HAS2: variants seen among roughly 807,000 people sequenced by gnomAD.
HAS2 encodes the protein hyaluronan synthase 2.
A neutral mutation model predicts 51.6 loss-of-function variants in HAS2; 16 were observed. The observed-to-expected ratio is 0.31, with a 90% CI of 0.21 to 0.47. HAS2 has a LOEUF of 0.47. Ranked by LOEUF, HAS2 falls within the 20% of genes least tolerant of loss-of-function variation. HAS2 has a pLI of 1.00. For synonymous variants in HAS2, 228 were observed against 235.5 expected, an observed-to-expected ratio of 0.97 and a Z score of 0.29; for missense variants, 361 against 662.6, an observed-to-expected ratio of 0.54 and a Z score of 5.00.
At position 121,629,228 on chromosome 8, in the gene HAS2, T is replaced by C. The variant is rs1316117071; in HGVS notation, c.113A>G (p.Gln38Arg). 2 of 1,613,798 alleles carry C rather than the reference T, an allele frequency of 1.2e-6. No individual in the cohort carries two copies. Among genetic ancestry groups the C allele is most frequent in the African/African-American group, 1.3e-5 (1 of 74,926 alleles). The change falls in exon 2 of 4, where the codon CAA (glutamine) becomes CGA (arginine). Residue 38 changes from glutamine to arginine, a missense_variant. By Grantham distance (43) the Gln-to-Arg change is conservative (BLOSUM62 1). This residue lies in a region of HAS2 where 145 missense variants were observed against 217.6 expected (regional missense o/e 0.67). Transcript: ENST00000303924. ...AAAAGAGAAATAGTAATTATCCGTTTGGATAAACTGGTAGCCAACAATATA... is the reference window on the plus strand; with the variant it reads ...AAAAGAGAAATAGTAATTATCCGTTCGGATAAACTGGTAGCCAACAATATA... ...AAYIVGYQFI[Q>R]TDNYYFSFGL...
intron 2 of HAS2, among the ~76,000 whole-genome samples, chr8:121,619,945 G>C (rs536827796): frequency 6.6e-6 from 1 of 152,238 alleles, no homozygotes; most frequent in Admixed American, 6.5e-5. Context: ...CAGGAGAACT[G>C]GCTCTTTGAA....
intron 2 of HAS2, among the ~76,000 whole-genome samples, chr8:121,623,890 C>A (rs1301824270): frequency 6.6e-6 from 1 of 152,148 alleles, no homozygotes; most frequent in Admixed American, 6.5e-5. Context: ...CAGAACAAAA[C>A]AGGAACCAGT....
intron 2 of HAS2, among the ~76,000 whole-genome samples, chr8:121,620,158 A>G (rs916546612): frequency 6.6e-6 from 1 of 152,140 alleles, no homozygotes; most frequent in Non-Finnish European, 1.5e-5. Context: ...AAATTTTTCA[A>G]CTACTGGATG....
rs1812648819 is a variant in HAS2, at chr8:121,612,493, T to C, written c.*1616A>G. On this transcript the variant is annotated 3_prime_UTR_variant, in exon 4 of 4. Coordinates refer to ENST00000303924, the MANE Select transcript of HAS2 (RefSeq NM_005328.3). ...GAAAGGCAGGAAGCCCATTTTTTTT[T>C]TAACACTTCTCCATGTGTCTCTGCC... The C allele has an allele frequency of 6.6e-6, 1 of 152,170 alleles. No individual in the cohort carries two copies. Among genetic ancestry groups the C allele is most frequent in the South Asian group, 2.1e-4 (1 of 4,820 alleles). 9.4% of individuals were successfully genotyped at this position (152,170 alleles called of 1,614,324 possible).
At position 121,613,944 on chromosome 8, in the gene HAS2, G is replaced by T; in HGVS notation, c.*165C>A. Reference sequence around the variant, plus strand: ...CTGAGTTTCTTCTTGTTGATGTATTGTTTTACTTTGGCAGAATGAAAATAA... The same window carrying T: ...CTGAGTTTCTTCTTGTTGATGTATTTTTTTACTTTGGCAGAATGAAAATAA... On this transcript the variant is annotated 3_prime_UTR_variant, in exon 4 of 4. Coordinates refer to ENST00000303924, the MANE Select transcript of HAS2 (RefSeq NM_005328.3). 2.1e-6 allele frequency: 2 copies of T among 955,038 alleles called. No homozygotes were observed. The highest frequency in any genetic ancestry group is 3.1e-6 in the Non-Finnish European group (2 of 637,628). 59.2% of individuals were successfully genotyped at this position (955,038 alleles called of 1,614,324 possible). A position where few individuals can be genotyped will look rare whatever the true frequency, so the allele number is the denominator to read the frequency against.
At chr8:121,617,878 A>G (rs1812726215) in intron 2 of HAS2, among the ~76,000 whole-genome samples, 1 of 152,154 alleles carries the variant, frequency 6.6e-6, no homozygotes. Flanking sequence ...AGGACCTTCA[A>G]CACCTTTTTA....
intron 2 of HAS2, among the ~76,000 whole-genome samples, chr8:121,620,456 A>G (rs183006085): frequency 4.6e-5 from 7 of 152,368 alleles, no homozygotes; most frequent in African/African-American, 1.4e-4. Flanking sequence ...AGTACAGGAC[A>G]GCATTTGCAC....
At chr8:121,627,624 G>A (rs1812871279) in intron 2 of HAS2, among the ~76,000 whole-genome samples, 1 of 152,116 alleles carries the variant, frequency 6.6e-6, no homozygotes, top group African/African-American at 2.4e-5. Flanking sequence ...TCCAGAAACT[G>A]AGACTCAGAG....
At chr8:121,629,653 T>C (rs570726376) in intron 1 of HAS2, among the ~76,000 whole-genome samples, 1 of 152,332 alleles carries the variant, frequency 6.6e-6, no homozygotes, top group East Asian at 1.9e-4. Flanking sequence ...ATCACTTGCC[T>C]AAGGCTGTAC....
chr8:121,615,177 G>A (rs1812683295), intron 3 of HAS2, 139 bp from the exon 4 acceptor site: 1 of 603,494 alleles, frequency 1.7e-6, no homozygotes, highest in Non-Finnish European at 2.9e-6. Context: ...TTTTTGGCGT[G>A]GTTATTTTAT....
intron 1 of HAS2, among the ~76,000 whole-genome samples, chr8:121,632,655 G>A (rs567328305): frequency 2.0e-5 from 3 of 152,066 alleles, no homozygotes; most frequent in South Asian, 2.1e-4. Flanking sequence ...TTTCACTAAC[G>A]TGTCCCAAGG....
chr8:121,637,258 C>T lies in HAS2; in HGVS notation c.-1+3595G>A, dbSNP rs529362442. 2.8e-4 allele frequency among the ~76,000 whole-genome samples: 42 copies of T among 152,026 alleles called. No individual in the cohort carries two copies. In the South Asian group the frequency reaches 8.7e-3, roughly 32 times the overall value. ...TAAGAGGCATTCATTAATAAATTTA[C>T]TTAATTTAAATAAGAAAATATTTAA... On this transcript the variant is annotated intron_variant, in intron 1 of 3. Transcript: ENST00000303924.
chr8:121,615,042 C>T lies in HAS2; in HGVS notation c.730-4G>A. 1 of 1,587,018 alleles carries T rather than the reference C, an allele frequency of 6.3e-7. No individual in the cohort carries two copies. Among genetic ancestry groups the T allele is most frequent in the Non-Finnish European group, 8.6e-7 (1 of 1,167,370 alleles). On this transcript the variant is annotated splice_region_variant and splice_polypyrimidine_tract_variant and intron_variant, in intron 3 of 3. Coordinates refer to ENST00000303924, the MANE Select transcript of HAS2 (RefSeq NM_005328.3). ...AGGAATCGTACTTGTTTAAAATCTG[C>T]AAGAAGAAAAACATAAGTAATAGGT...
At chr8:121,621,893 T>C (rs1312721052) in intron 2 of HAS2, among the ~76,000 whole-genome samples, 1 of 152,116 alleles carries the variant, frequency 6.6e-6, no homozygotes, top group East Asian at 1.9e-4. Flanking sequence ...TCAAAGGGCA[T>C]TGACAGCTAA....
At chr8:121,620,409 C>A (rs11996473) in intron 2 of HAS2, among the ~76,000 whole-genome samples, 6,828 of 152,148 alleles carry the variant, frequency 0.045, 568 homozygotes, top group African/African-American at 0.16. Context: ...GGAGACATGC[C>A]CCAGTTCAAG....
chr8:121,614,445 C>T lies in HAS2; in HGVS notation c.1323G>A (p.Val441=). The stretch of plus-strand genomic sequence containing the variant: ...CGGGAAGTAAACTCGACATGTATAA[C>T]ACTGAGTAGAGAGACATGAAGACCA... ...IVMVFMSLYS[V]LYMSSLLPAK... Residue 441 remains valine (V), a synonymous_variant, in exon 4 of 4, where the codon GTG becomes GTA. Coordinates refer to ENST00000303924, the MANE Select transcript of HAS2 (RefSeq NM_005328.3). This position sits in a 1 kb window ranked among gnomAD's most constrained non-coding sequence, Gnocchi z 7.2. 6.2e-7 allele frequency: 1 copy of T among 1,614,060 alleles called. No individual in the cohort carries two copies.
intron 2 of HAS2, among the ~76,000 whole-genome samples, chr8:121,622,328 A>G (rs913637878): frequency 2.0e-5 from 3 of 152,156 alleles, no homozygotes; most frequent in African/African-American, 7.2e-5. Flanking sequence ...AAAGTACTAT[A>G]TAAGGCCTTG....
intron 2 of HAS2, among the ~76,000 whole-genome samples, chr8:121,619,615 T>C (rs979695948): frequency 8.5e-5 from 13 of 152,160 alleles, no homozygotes; most frequent in Admixed American, 8.5e-4. Context: ...CCTGGGTCTG[T>C]ATCCAAGCAT....
intron 1 of HAS2, among the ~76,000 whole-genome samples, chr8:121,636,526 G>T (rs1813011867): frequency 6.6e-6 from 1 of 152,080 alleles, no homozygotes; most frequent in Admixed American, 6.5e-5. Context: ...CTTTTTTACA[G>T]GACTTGTCAC....
Sources: allele counts gnomAD v4.1 joint callset (sites outside exome capture counted in the v4.1 genomes callset), GRCh38; gene constraint gnomAD v4.1.1; regional missense constraint gnomAD v4.1.1; non-coding constraint Gnocchi (gnomAD v3.1); transcripts MANE v1.5; gene names NCBI Gene and HGNC (gene_info 2026-07-23, HGNC 2026-07-21).